The following MID1 variants were observed in gnomAD, a reference collection of about 807,000 sequenced individuals.
MID1 encodes midline 1.
MID1 carries 7 observed loss-of-function variants against 40.4 expected under a neutral mutation model. The observed-to-expected ratio is 0.17, with a 90% CI of 0.10 to 0.33. The LOEUF (loss-of-function observed/expected upper bound fraction) is 0.33, where lower values mean the gene tolerates loss of function less well. MID1 is among the 10% of genes least tolerant of loss of function. MID1 has a pLI of 1.00. For synonymous variants in MID1, 229 were observed against 221.2 expected (o/e 1.04, Z -0.31); for missense variants, 367 against 558.5 (o/e 0.66, Z 3.46).
At chrX:10,786,134 A>C (rs1305062102) in intron 1 of MID1, among the ~76,000 whole-genome samples, 1 of 111,946 alleles carries the variant, frequency 8.9e-6, no homozygotes, top group Non-Finnish European at 1.9e-5. Flanking sequence ...AAAAACAAAC[A>C]ACCCCATCAA....
At chrX:10,779,965 GT>G (rs57464977) in intron 1 of MID1, among the ~76,000 whole-genome samples, 10,915 of 104,641 alleles carry the variant, frequency 0.1, 1,458 homozygotes, top group African/African-American at 0.36. Context: ...TCTTTTCTTT[GT>G]TTTTTTTTTG....
At chrX:10,466,300 GA>G (rs772360477) in intron 7 of MID1, among the ~76,000 whole-genome samples, 1 of 112,133 alleles carries the variant, frequency 8.9e-6, no homozygotes, top group East Asian at 2.8e-4. Flanking sequence ...AAAATATTGA[GA>G]AAACAATTCC....
At chrX:10,555,171 C>T (rs926011933) in intron 2 of MID1, among the ~76,000 whole-genome samples, 18 of 111,609 alleles carry the variant, frequency 1.6e-4, no homozygotes, top group Non-Finnish European at 3.2e-4. Context: ...GCTAGCAGTC[C>T]AGCCCGCGAA....
chrX:10,827,889 T>G (rs2044226210), intron 1 of MID1, among the ~76,000 whole-genome samples: 5 of 111,373 alleles, frequency 4.5e-5, no homozygotes, highest in African/African-American at 1.6e-4. Context: ...CTCACCTATA[T>G]CTTCCATTTT....
At chrX:10,708,569 C>G (rs2043246229) in intron 1 of MID1, among the ~76,000 whole-genome samples, 1 of 111,192 alleles carries the variant, frequency 9.0e-6, no homozygotes, top group Admixed American at 9.6e-5. Flanking sequence ...GTTAGCTTCT[C>G]CGTAGGCCGC....
intron 2 of MID1, among the ~76,000 whole-genome samples, chrX:10,552,950 G>T (rs1216398631): frequency 8.9e-6 from 1 of 111,901 alleles, no homozygotes; most frequent in Non-Finnish European, 1.9e-5. Context: ...CTCTAAACCT[G>T]TCTCAGATCT....
chrX:10,525,279 C>T (rs1182286599), intron 2 of MID1, among the ~76,000 whole-genome samples: 7 of 112,052 alleles, frequency 6.2e-5, no homozygotes, highest in Non-Finnish European at 1.1e-4. Context: ...ACAAGTTAAA[C>T]TTATTAATCT....
chrX:10,716,782 G>T (rs2043307091), intron 1 of MID1, among the ~76,000 whole-genome samples: 1 of 111,596 alleles, frequency 9.0e-6, no homozygotes, highest in African/African-American at 3.3e-5. Context: ...AAACGTTAAG[G>T]GCAGCCAGAG....
chrX:10,511,025 ACT>A (rs1212876249), intron 3 of MID1, among the ~76,000 whole-genome samples: 5 of 109,097 alleles, frequency 4.6e-5, no homozygotes, highest in Admixed American at 3.0e-4. Context: ...CGGGCAGATC[ACT>A]TGAGGTCAGG....
intron 1 of MID1, among the ~76,000 whole-genome samples, chrX:10,641,704 A>G (rs1195159582): frequency 1.8e-5 from 2 of 111,922 alleles, no homozygotes; most frequent in Non-Finnish European, 3.8e-5. Flanking sequence ...CCTGGCAGAG[A>G]CACAACAAAA....
intron 2 of MID1, among the ~76,000 whole-genome samples, chrX:10,566,532 C>CCTCTCTCTCCCTCTCTCTCCCTCT (rs1934550291): frequency 7.6e-5 from 4 of 52,865 alleles, no homozygotes; most frequent in African/African-American, 2.4e-4. Flanking sequence ...CCTCTCTCTC[C>CCTCTCTCTCCCTCTCTCTCCCTCT]CTCTCTCTCT....
chrX:10,646,911 A>T (rs904047222), intron 1 of MID1, among the ~76,000 whole-genome samples: 2 of 111,615 alleles, frequency 1.8e-5, no homozygotes, highest in Non-Finnish European at 3.8e-5. Flanking sequence ...TGAAACAGGA[A>T]TTTTTCTAAT....
rs1257887115 is a variant in MID1 at position 10,469,704 on chromosome X, G to A, written c.1278C>T (p.Asn426=). 1.2e-5 allele frequency: 15 copies of A among 1,209,975 alleles called. No individual in the cohort carries two copies. The highest frequency in any genetic ancestry group is 4.4e-5 in the Admixed American group (2 of 45,726). The change falls in exon 7 of 10, where the codon AAC becomes AAT. Residue 426 remains asparagine, a synonymous_variant. Coordinates refer to ENST00000317552, the MANE Select transcript of MID1 (RefSeq NM_000381.4). The part of the protein sequence containing the change: ...LQYTIFTGQA[N]VVSLCNSADS... ...AGGCCATGAGATACTCACTAACGACGTTGGCTTGTCCGGTGAATATGGTGT... is the reference window on the plus strand; with the variant it reads ...AGGCCATGAGATACTCACTAACGACATTGGCTTGTCCGGTGAATATGGTGT...
chrX:10,815,172 C>T (rs1195881995), intron 1 of MID1, among the ~76,000 whole-genome samples: 1 of 111,894 alleles, frequency 8.9e-6, no homozygotes, highest in African/African-American at 3.3e-5. Context: ...AAAACACACC[C>T]TATAACAAAT....
chrX:10,638,807 C>A (rs1472134522), intron 1 of MID1, among the ~76,000 whole-genome samples: 2 of 111,836 alleles, frequency 1.8e-5, no homozygotes, highest in African/African-American at 6.5e-5. Flanking sequence ...TGAGATGAAG[C>A]TTCCAGAGGA....
At chrX:10,833,332 C>G (rs2044264723) in intron 1 of MID1, among the ~76,000 whole-genome samples, 1 of 112,033 alleles carries the variant, frequency 8.9e-6, no homozygotes, top group African/African-American at 3.2e-5. Context: ...GAAAAACACT[C>G]TCTGGAATGT....
intron 1 of MID1, among the ~76,000 whole-genome samples, chrX:10,825,927 T>G (rs1453437360): frequency 8.9e-6 from 1 of 111,758 alleles, no homozygotes; most frequent in Non-Finnish European, 1.9e-5. Context: ...TTCATTCACG[T>G]AGACCTCATT....
chrX:10,449,721 G>A lies in MID1; in HGVS notation c.1656-5C>T, dbSNP rs755398580. Reference sequence around the variant, plus strand: ...TAAGCAAGACCAATGGCATACCTGCGGAAACAAAACAGCAACAACAAAAAC... The same window carrying A: ...TAAGCAAGACCAATGGCATACCTGCAGAAACAAAACAGCAACAACAAAAAC... On this transcript the variant is annotated splice_region_variant and splice_polypyrimidine_tract_variant and intron_variant, in intron 9 of 9. Transcript: ENST00000317552. 9 of 1,181,735 alleles carry A rather than the reference G, an allele frequency of 7.6e-6. No individual in the cohort carries two copies. Among genetic ancestry groups the A allele is most frequent in the South Asian group, 7.2e-5 (4 of 55,829 alleles).
intron 3 of MID1, among the ~76,000 whole-genome samples, chrX:10,511,581 G>T (rs1339800736): frequency 2.7e-5 from 3 of 111,553 alleles, no homozygotes; most frequent in East Asian, 2.8e-4. Context: ...TAGAGACAGG[G>T]TCTTGCTATG....
Sources: allele counts gnomAD v4.1 joint callset (sites outside exome capture counted in the v4.1 genomes callset), GRCh38; gene constraint gnomAD v4.1.1; transcripts MANE v1.5; gene names NCBI Gene and HGNC (gene_info 2026-07-23, HGNC 2026-07-21).